Variants in ALKBH3 observed in about 807,000 individuals in gnomAD.
ALKBH3 encodes the protein alkB homolog 3, alpha-ketoglutarate dependent dioxygenase, also known as alpha-ketoglutarate-dependent dioxygenase alkB homolog 3.
ALKBH3 carries 51 observed loss-of-function variants against 43.9 expected under a neutral mutation model. That is an observed-to-expected ratio of 1.16 (90% CI 0.93 to 1.47). The LOEUF (loss-of-function observed/expected upper bound fraction) is 1.47. Ranked by LOEUF, ALKBH3 falls within the 40% of genes most tolerant of loss-of-function variation. ALKBH3 has a pLI of 0.00. For synonymous variants in ALKBH3, 102 were observed against 115.2 expected, an observed-to-expected ratio of 0.89 and a Z score of 0.73; for missense variants, 361 against 351.9, an observed-to-expected ratio of 1.03 and a Z score of -0.21.
At chr11:43,905,996 G>C (rs978493583) in intron 8 of ALKBH3, among the ~76,000 whole-genome samples, 1 of 152,214 alleles carries the variant, frequency 6.6e-6, no homozygotes, top group African/African-American at 2.4e-5. Flanking sequence ...TGGAGGTTTA[G>C]ATGCCAAAAG....
Position 43,888,884 on chromosome 11 carries a change from T to C in ALKBH3, c.267-841T>C, listed in dbSNP as rs904043715. ...CGTTGGCATTGTTGAAATAAACACA[T>C]ATTCAGTGGGAGAAAGAACCCTCAT... On this transcript the variant is annotated intron_variant, in intron 5 of 9. Transcript: ENST00000302708. Among the ~76,000 whole-genome samples the C allele has an allele frequency of 3.3e-5, 5 of 152,370 alleles. No homozygotes were observed. In the East Asian group the frequency reaches 5.8e-4, roughly 18 times the overall value.
intron 7 of ALKBH3, among the ~76,000 whole-genome samples, chr11:43,900,214 A>AT (rs1491260656): frequency 1.4e-5 from 1 of 73,698 alleles, no homozygotes; most frequent in Admixed American, 1.9e-4. Flanking sequence ...ATTTTAATTT[A>AT]ATTTTTTTTT....
intron 7 of ALKBH3, chr11:43,897,780 C>T: frequency 1.2e-6 from 1 of 817,642 alleles, no homozygotes; most frequent in Non-Finnish European, 2.2e-6. Flanking sequence ...CTATACCGTT[C>T]ACCCTGAAAA....
chr11:43,898,748 T>TGAG (rs1471066981), intron 7 of ALKBH3: 2 of 729,610 alleles, frequency 2.7e-6, no homozygotes, highest in African/African-American at 3.5e-5. Flanking sequence ...TCACCCAGGG[T>TGAG]ATTTCCTGTG....
At chr11:43,888,965 C>G (rs1190047046) in intron 5 of ALKBH3, among the ~76,000 whole-genome samples, 1 of 152,192 alleles carries the variant, frequency 6.6e-6, no homozygotes, top group Non-Finnish European at 1.5e-5. Flanking sequence ...CTAGAATTAG[C>G]ATAGTCTCAG....
intron 8 of ALKBH3, chr11:43,909,465 G>A (rs569415264): frequency 1.3e-5 from 2 of 152,296 alleles, no homozygotes; most frequent in African/African-American, 4.8e-5. Flanking sequence ...GGTGATCCAT[G>A]AAACAGTCTA....
At chr11:43,913,295 C>T (rs1282387846) in intron 8 of ALKBH3, among the ~76,000 whole-genome samples, 2 of 151,948 alleles carry the variant, frequency 1.3e-5, no homozygotes, top group African/African-American at 4.8e-5. Context: ...TATTTCATCA[C>T]CCGGCTAATA....
At chr11:43,888,510 C>T (rs1951761542) in intron 5 of ALKBH3, among the ~76,000 whole-genome samples, 1 of 152,204 alleles carries the variant, frequency 6.6e-6, no homozygotes, top group South Asian at 2.1e-4. Flanking sequence ...CGCCTTAATG[C>T]ATGAGTATAC....
At chr11:43,899,023 G>A in intron 7 of ALKBH3, 3 of 751,566 alleles carry the variant, frequency 4.0e-6, no homozygotes, top group Non-Finnish European at 2.5e-6. Context: ...ATCTTCAAAG[G>A]AGCCCCACAC....
chr11:43,918,355 A>G (rs1951999957), intron 8 of ALKBH3, among the ~76,000 whole-genome samples: 1 of 152,252 alleles, frequency 6.6e-6, no homozygotes, highest in Non-Finnish European at 1.5e-5. Flanking sequence ...CTAAGTGTAC[A>G]GGAGTCGTGA....
At chr11:43,886,752 A>C in intron 5 of ALKBH3, 99 bp downstream of exon 5, 1 of 1,158,744 alleles carries the variant, frequency 8.6e-7, no homozygotes, top group Non-Finnish European at 1.3e-6. Flanking sequence ...GTACATATAC[A>C]TTATGGAATA....
chr11:43,884,298 A>G (rs1951733184), intron 4 of ALKBH3, among the ~76,000 whole-genome samples: 2 of 151,982 alleles, frequency 1.3e-5, no homozygotes, highest in Admixed American at 6.6e-5. Flanking sequence ...CAGTAAGCTA[A>G]ACCTCTCAGG....
chr11:43,892,664 G>A (rs975871490), intron 7 of ALKBH3, among the ~76,000 whole-genome samples: 5 of 152,206 alleles, frequency 3.3e-5, no homozygotes, highest in Non-Finnish European at 5.9e-5. Context: ...AGATATTCTA[G>A]TATATAAATT....
chr11:43,882,495 A>C (rs910662176), intron 1 of ALKBH3, 88 bp from the exon 2 acceptor site: 23 of 558,206 alleles, frequency 4.1e-5, no homozygotes, highest in Non-Finnish European at 6.2e-5. Context: ...TGCCATTGAG[A>C]GTCTTCTGCC....
intron 7 of ALKBH3, chr11:43,899,722 T>G: frequency 3.4e-6 from 1 of 289,954 alleles, no homozygotes; most frequent in Non-Finnish European, 6.5e-6. Context: ...ATCCCAAAAC[T>G]ATCTTGGCAG....
chr11:43,883,046 CT>C lies in ALKBH3; in HGVS notation c.80-36del, dbSNP rs745544850. On this transcript the variant is annotated intron_variant, in intron 2 of 9. Transcript: ENST00000302708. The stretch of plus-strand genomic sequence containing the variant: ...CTCAGTAGAAGGTGCTGAGAACAGA[CT>C]TTCCCCTGGTTTGAGGCTGTCCCCT... 3 of 1,560,860 alleles carry C rather than the reference CT, an allele frequency of 1.9e-6. No homozygotes were observed. In the Admixed American group the frequency reaches 5.1e-5, roughly 26 times the overall value.
At position 43,886,620 on chromosome 11, in the gene ALKBH3, ATGAAATCAGCCTGT is replaced by A. The variant is rs1951748545; in HGVS notation, c.234_247del (p.Glu79ThrfsTer6). On this transcript the variant is annotated frameshift_variant, in exon 5 of 10. Coordinates refer to ENST00000302708, the MANE Select transcript of ALKBH3 (RefSeq NM_139178.4). LOFTEE classifies it high-confidence loss of function. ...TGTTTCTTTAGCAGAGAGGGTGTGT[ATGAAATCAGCCTGT>A]CACCCACAGGTGTATCTAGGTAAGC... 6.2e-7 allele frequency: 1 copy of A among 1,614,066 alleles called. No individual in the cohort carries two copies. Among genetic ancestry groups the A allele is most frequent in the African/African-American group, 1.3e-5 (1 of 74,930 alleles).
intron 8 of ALKBH3, among the ~76,000 whole-genome samples, chr11:43,914,154 C>T (rs1234323964): frequency 6.6e-6 from 1 of 152,144 alleles, no homozygotes; most frequent in Non-Finnish European, 1.5e-5. Context: ...ATTAGGATTT[C>T]AGAAGGAATA....
At chr11:43,898,279 C>T in intron 7 of ALKBH3, 1 of 749,020 alleles carries the variant, frequency 1.3e-6, no homozygotes, top group Non-Finnish European at 2.4e-6. Flanking sequence ...TCTTCAGTTC[C>T]TATGTGCATG....
Sources: allele counts gnomAD v4.1 joint callset (sites outside exome capture counted in the v4.1 genomes callset), GRCh38; gene constraint gnomAD v4.1.1; transcripts MANE v1.5; gene names NCBI Gene and HGNC (gene_info 2026-07-23, HGNC 2026-07-21).